The following FTO variants were observed in gnomAD, a reference collection of about 807,000 sequenced individuals.
FTO encodes alpha-ketoglutarate-dependent dioxygenase FTO.
FTO carries 47 observed loss-of-function variants against 63.9 expected under a neutral mutation model. The observed-to-expected ratio is 0.74, with a 90% CI of 0.58 to 0.94. FTO has a LOEUF of 0.94. Among genes scored for constraint, FTO ranks in the 40% least tolerant of loss-of-function variants. FTO has a pLI of 0.00. For synonymous variants in FTO, 207 were observed against 224.4 expected, an observed-to-expected ratio of 0.92 and a Z score of 0.69; for missense variants, 562 against 618.1, an observed-to-expected ratio of 0.91 and a Z score of 0.96.
intron 6 of FTO, among the ~76,000 whole-genome samples, chr16:53,883,632 AAAAC>A (rs2080911514): frequency 6.8e-6 from 1 of 148,134 alleles, no homozygotes; most frequent in Non-Finnish European, 1.5e-5. Flanking sequence ...CAAAAAAAAA[AAAAC>A]AAAAAAAAAA....
At chr16:53,888,172 T>A (rs2081049547) in intron 6 of FTO, among the ~76,000 whole-genome samples, 1 of 151,970 alleles carries the variant, frequency 6.6e-6, no homozygotes, top group Non-Finnish European at 1.5e-5. Flanking sequence ...TGAGCTGGGT[T>A]GTGTAAGAGA....
rs935934344 is a variant in FTO, at chr16:53,725,786, G to A, written c.45+21557G>A. ...TAAAGAGTGACTAGTGTTGCCTCTGGTGTAGACCCACACTTTTATATAAAA... is the reference window on the plus strand; with the variant it reads ...TAAAGAGTGACTAGTGTTGCCTCTGATGTAGACCCACACTTTTATATAAAA... On this transcript the variant is annotated intron_variant, in intron 1 of 8. Coordinates refer to ENST00000471389, the MANE Select transcript of FTO (RefSeq NM_001080432.3). Among the ~76,000 whole-genome samples, 9 of 152,234 alleles carry A rather than the reference G, an allele frequency of 5.9e-5. 1 individual carries two copies. Among genetic ancestry groups the A allele is most frequent in the Admixed American group, 5.9e-4 (9 of 15,290 alleles).
chr16:53,997,201 G>A (rs541980791), intron 8 of FTO, among the ~76,000 whole-genome samples: 1 of 145,224 alleles, frequency 6.9e-6, no homozygotes, highest in South Asian at 2.2e-4. Context: ...GAAGGAGAAA[G>A]AAAGAAGGAA....
chr16:53,957,566 G>A (rs1391161799), intron 8 of FTO, among the ~76,000 whole-genome samples: 1 of 152,212 alleles, frequency 6.6e-6, no homozygotes, highest in African/African-American at 2.4e-5. Context: ...CTATGTGATA[G>A]TGATAGTGCC....
At chr16:54,058,413 A>G (rs561839902) in intron 8 of FTO, among the ~76,000 whole-genome samples, 67 of 152,262 alleles carry the variant, frequency 4.4e-4, no homozygotes, top group South Asian at 8.3e-4. Context: ...GTGAGCCACC[A>G]CGCCTGGCCG....
At chr16:53,749,926 G>A (rs2076743553) in intron 1 of FTO, among the ~76,000 whole-genome samples, 1 of 152,136 alleles carries the variant, frequency 6.6e-6, no homozygotes, top group South Asian at 2.1e-4. Flanking sequence ...CCTTCATGTA[G>A]AATGTAATTT....
chr16:54,060,443 C>T (rs2085542365), intron 8 of FTO, among the ~76,000 whole-genome samples: 1 of 152,114 alleles, frequency 6.6e-6, no homozygotes, highest in East Asian at 1.9e-4. Flanking sequence ...TCATTTAATC[C>T]TTGCAACAAA....
At chr16:54,002,273 G>A (rs575190879) in intron 8 of FTO, among the ~76,000 whole-genome samples, 1 of 152,234 alleles carries the variant, frequency 6.6e-6, no homozygotes, top group African/African-American at 2.4e-5. Context: ...TCCGACCTCG[G>A]CCTCCTGAAG....
chr16:54,102,309 T>C (rs1316011324), intron 8 of FTO, among the ~76,000 whole-genome samples: 1 of 152,186 alleles, frequency 6.6e-6, no homozygotes, highest in Non-Finnish European at 1.5e-5. Flanking sequence ...TTAACCATGA[T>C]TTACAGTGAG....
chr16:53,988,131 A>G (rs2083715412), intron 8 of FTO, among the ~76,000 whole-genome samples: 1 of 152,344 alleles, frequency 6.6e-6, no homozygotes, highest in South Asian at 2.1e-4. Flanking sequence ...GACTGTCTGG[A>G]ACCAGGTAAC....
chr16:53,839,775 TTTTATTTA>T (rs1205942882), intron 3 of FTO, among the ~76,000 whole-genome samples: 51 of 36,958 alleles, frequency 1.4e-3, no homozygotes, highest in South Asian at 7.7e-3. Flanking sequence ...TTTTCTTTTT[TTTTATTTA>T]TTTATTTATT....
chr16:54,008,609 G>A, intron 8 of FTO: 1 of 151,628 alleles, frequency 6.6e-6, no homozygotes, highest in Non-Finnish European at 1.5e-5. Context: ...ATCTTAATAT[G>A]CCAAGTTACT....
intron 8 of FTO, among the ~76,000 whole-genome samples, chr16:54,048,021 G>A (rs1300719428): frequency 5.6e-5 from 4 of 71,734 alleles, no homozygotes; most frequent in African/African-American, 9.0e-5. Flanking sequence ...TAGATGACAC[G>A]TTAGTGGGTG....
intron 1 of FTO, among the ~76,000 whole-genome samples, chr16:53,721,393 C>T (rs1370493393): frequency 6.6e-6 from 1 of 152,106 alleles, no homozygotes; most frequent in East Asian, 1.9e-4. Flanking sequence ...AAAATATTTT[C>T]TATTTTTATA....
intron 8 of FTO, among the ~76,000 whole-genome samples, chr16:54,059,297 A>T (rs1289829292): frequency 6.6e-6 from 1 of 152,198 alleles, no homozygotes; most frequent in Non-Finnish European, 1.5e-5. Context: ...AAAACAGAGC[A>T]ATTTCAACTC....
At chr16:53,779,048 C>T (rs2077527328) in intron 1 of FTO, among the ~76,000 whole-genome samples, 1 of 152,078 alleles carries the variant, frequency 6.6e-6, no homozygotes, top group Non-Finnish European at 1.5e-5. Flanking sequence ...CAGTTGGCCT[C>T]ATTTGTAAGC....
At chr16:54,038,433 C>T (rs1314521563) in intron 8 of FTO, among the ~76,000 whole-genome samples, 1 of 152,194 alleles carries the variant, frequency 6.6e-6, no homozygotes, top group African/African-American at 2.4e-5. Context: ...GTGCCTCCCC[C>T]ACCTTCCCAG....
intron 7 of FTO, among the ~76,000 whole-genome samples, chr16:53,926,070 C>G (rs1190415891): frequency 1.3e-5 from 2 of 152,050 alleles, no homozygotes; most frequent in African/African-American, 4.8e-5. Context: ...TGTGTGTTGC[C>G]AGAATCCAAA....
intron 1 of FTO, among the ~76,000 whole-genome samples, chr16:53,796,579 T>C (rs9932754): frequency 0.36 from 54,196 of 152,040 alleles, 10,563 homozygotes; most frequent in Non-Finnish European, 0.44. Context: ...TAAGAAAATA[T>C]GATACATTTG....
Sources: allele counts gnomAD v4.1 joint callset (sites outside exome capture counted in the v4.1 genomes callset), GRCh38; gene constraint gnomAD v4.1.1; transcripts MANE v1.5; gene names NCBI Gene and HGNC (gene_info 2026-07-23, HGNC 2026-07-21).